Variants in FHIP1B observed in about 807,000 individuals in gnomAD.
FHIP1B encodes FHF complex subunit HOOK interacting protein 1B.
A neutral mutation model predicts 82.2 loss-of-function variants in FHIP1B; 28 were observed. The observed-to-expected ratio is 0.34, with a 90% CI of 0.25 to 0.47. The LOEUF is 0.47. Ranked by LOEUF, FHIP1B falls within the 20% of genes least tolerant of loss-of-function variation. The pLI is 1.00. For synonymous variants in FHIP1B, 585 were observed against 516.1 expected (o/e 1.13, Z -1.81); for missense variants, 1,110 against 1,262.6 (o/e 0.88, Z 1.83).
intron 1 of FHIP1B, among the ~76,000 whole-genome samples, chr11:6,234,219 ACTCT>A (rs1190229461): frequency 2.7e-5 from 4 of 147,288 alleles, no homozygotes; most frequent in East Asian, 4.0e-4. Context: ...TGCGCCTTTT[ACTCT>A]CTCTCTCCTC....
intron 11 of FHIP1B, among the ~76,000 whole-genome samples, chr11:6,213,577 C>T (rs763206216): frequency 5.3e-5 from 8 of 152,174 alleles, no homozygotes; most frequent in Non-Finnish European, 1.2e-4. Context: ...TCCCTGAATT[C>T]CCTGTACTAA....
rs1847070925 is a variant in FHIP1B at position 6,211,495 on chromosome 11, A to C, written c.*11T>G. The C allele has an allele frequency of 1.3e-6, 2 of 1,568,458 alleles. No individual in the cohort carries two copies. The highest frequency in any genetic ancestry group is 2.4e-5 in the South Asian group (2 of 82,676). On this transcript the variant is annotated 3_prime_UTR_variant, in exon 12 of 12. Coordinates refer to ENST00000449352, the MANE Select transcript of FHIP1B (RefSeq NM_001098794.2). The stretch of plus-strand genomic sequence containing the variant: ...GGGCCACCCATGGCCCTGATTGTCC[A>C]TGGAAGAAAGTTAAGGATTGAGGGG...
At position 6,224,664 on chromosome 11, in the gene FHIP1B, G is replaced by A; in HGVS notation, c.-148C>T. 2 of 777,958 alleles carry A rather than the reference G, an allele frequency of 2.6e-6. No individual in the cohort carries two copies. The highest frequency in any genetic ancestry group is 1.9e-5 in the South Asian group (1 of 53,736). 48.2% of individuals were successfully genotyped at this position (777,958 alleles called of 1,614,324 possible). A position where few individuals can be genotyped will look rare whatever the true frequency, so the allele number is the denominator to read the frequency against. ...TGGAGCCAGAGGTTATACCAGGCTG[G>A]AATGGCAAGCCCAGAGGTCACTGGC... On this transcript the variant is annotated 5_prime_UTR_variant, in exon 2 of 12. Transcript: ENST00000449352.
chr11:6,230,705 T>G (rs1372470614), intron 1 of FHIP1B, among the ~76,000 whole-genome samples: 1 of 152,228 alleles, frequency 6.6e-6, no homozygotes, highest in Non-Finnish European at 1.5e-5. Flanking sequence ...AATCCTCATG[T>G]CACACACAGT....
At chr11:6,230,166 T>C (rs1847662428) in intron 1 of FHIP1B, among the ~76,000 whole-genome samples, 1 of 152,066 alleles carries the variant, frequency 6.6e-6, no homozygotes, top group African/African-American at 2.4e-5. Context: ...GAACTGCAGA[T>C]ACAGGGCAGG....
Position 6,211,534 on chromosome 11 carries a change from A to G in FHIP1B, c.2891T>C (p.Ile964Thr). 1.2e-6 allele frequency: 2 copies of G among 1,608,314 alleles called. No individual in the cohort carries two copies. The highest frequency in any genetic ancestry group is 2.2e-5 in the South Asian group (2 of 90,208). Residue 964 changes from isoleucine (I) to threonine (T), a missense_variant, in exon 12 of 12, where the codon ATC becomes ACC. Physicochemically the swap from Ile to Thr is moderately conservative, Grantham distance 89. Transcript: ENST00000449352. The part of the protein sequence containing the change: ...ETSEEGSGPL[I>T]SGCGPLNP ...AGGATTGAGGGGCCCACAGCCTGAG[A>G]TGAGAGGGCCAGATCCTTCCTCTGA...
chr11:6,213,342 A>G (rs1217880471), intron 11 of FHIP1B, among the ~76,000 whole-genome samples: 1 of 152,130 alleles, frequency 6.6e-6, no homozygotes, highest in Non-Finnish European at 1.5e-5. Context: ...ACTCCTCTAC[A>G]CTTCACAACT....
At chr11:6,224,914 C>T (rs1847521516) in intron 1 of FHIP1B, among the ~76,000 whole-genome samples, 1 of 152,194 alleles carries the variant, frequency 6.6e-6, no homozygotes, top group Non-Finnish European at 1.5e-5. Flanking sequence ...GAAAATGATA[C>T]CAAAATTAAC....
At position 6,211,375 on chromosome 11, in the gene FHIP1B, A is replaced by T; in HGVS notation, c.*131T>A. 1 of 1,235,904 alleles carries T rather than the reference A, an allele frequency of 8.1e-7. No individual in the cohort carries two copies. The highest frequency in any genetic ancestry group is 1.1e-6 in the Non-Finnish European group (1 of 901,644). 76.6% of individuals were successfully genotyped at this position (1,235,904 alleles called of 1,614,324 possible). A position where few individuals can be genotyped will look rare whatever the true frequency, so the allele number is the denominator to read the frequency against. ...ATTTCCCTTTTATACATATTGCAAC[A>T]AGTTCTCCATAAAACATTCATCTGA... is the stretch of plus-strand genomic sequence containing the variant. On this transcript the variant is annotated 3_prime_UTR_variant, in exon 12 of 12. Transcript: ENST00000449352.
rs760417398 is a variant in FHIP1B at position 6,217,835 on chromosome 11, T to C, written c.1751A>G (p.Glu584Gly). Residue 584 changes from glutamate to glycine, a missense_variant, in exon 9 of 12, where the codon GAG becomes GGG. By Grantham distance (98) the Glu-to-Gly change is moderately conservative. Coordinates refer to ENST00000449352, the MANE Select transcript of FHIP1B (RefSeq NM_001098794.2). ...APYDGERPSP[E>G]PSPFGSRTKK... ...AGTCCGGGAGCCAAAAGGACTGGGCTCAGGAGAGGGCCGCTCGCCATCATA... is the reference window on the plus strand; with the variant it reads ...AGTCCGGGAGCCAAAAGGACTGGGCCCAGGAGAGGGCCGCTCGCCATCATA... 1 of 1,613,586 alleles carries C rather than the reference T, an allele frequency of 6.2e-7. No individual in the cohort carries two copies.
At chr11:6,221,594 C>A (rs1015645849) in intron 6 of FHIP1B, among the ~76,000 whole-genome samples, 4 of 152,186 alleles carry the variant, frequency 2.6e-5, no homozygotes, top group African/African-American at 9.6e-5. Context: ...CTCACTACAC[C>A]TCTAGTCTTT....
rs558779231 is a variant in FHIP1B at position 6,215,775 on chromosome 11, C to A, written c.2216-864G>T. Among the ~76,000 whole-genome samples the A allele has an allele frequency of 3.3e-5, 5 of 152,286 alleles. No homozygotes were observed. In the South Asian group the frequency reaches 1.0e-3, roughly 32 times the overall value. On this transcript the variant is annotated intron_variant, in intron 9 of 11. Coordinates refer to ENST00000449352, the MANE Select transcript of FHIP1B (RefSeq NM_001098794.2). ...GCTAAGCCAGATCACCAGCAGTAGG[C>A]CTCTATAACCATCACAGTCCTTCTG...
At chr11:6,230,113 A>G (rs992107235) in intron 1 of FHIP1B, among the ~76,000 whole-genome samples, 2 of 152,136 alleles carry the variant, frequency 1.3e-5, no homozygotes, top group Non-Finnish European at 2.9e-5. Flanking sequence ...AGCCCAAAAT[A>G]CAGCCTTACA....
At chr11:6,229,752 A>G (rs903804407) in intron 1 of FHIP1B, among the ~76,000 whole-genome samples, 1 of 151,790 alleles carries the variant, frequency 6.6e-6, no homozygotes, top group African/African-American at 2.4e-5. Flanking sequence ...CAGTTCTACA[A>G]TCCCATTTCA....
chr11:6,220,327 G>A (rs139905712), intron 6 of FHIP1B, among the ~76,000 whole-genome samples: 15 of 152,182 alleles, frequency 9.9e-5, no homozygotes, highest in Non-Finnish European at 2.2e-4. Context: ...TAAGGAAATG[G>A]ATCCTGTCCT....
chr11:6,231,257 A>T (rs1847689816), intron 1 of FHIP1B, among the ~76,000 whole-genome samples: 2 of 152,140 alleles, frequency 1.3e-5, no homozygotes, highest in South Asian at 4.1e-4. Flanking sequence ...AGCAGAAAGT[A>T]TGAAAGATGA....
chr11:6,218,184 A>T (rs771749979), intron 8 of FHIP1B, 34 bp from the exon 9 acceptor site: 2 of 1,583,154 alleles, frequency 1.3e-6, no homozygotes, highest in Non-Finnish European at 1.7e-6. Context: ...GAAATCAAGG[A>T]GACAGAGGTT....
At chr11:6,224,810 A>G in intron 1 of FHIP1B, 103 bp from the exon 2 acceptor site, 1 of 322,822 alleles carries the variant, frequency 3.1e-6, no homozygotes, top group Non-Finnish European at 5.7e-6. Context: ...ATATACATAC[A>G]CACATACACA....
At chr11:6,225,710 TGAA>T (rs1448890950) in intron 1 of FHIP1B, among the ~76,000 whole-genome samples, 3 of 152,226 alleles carry the variant, frequency 2.0e-5, no homozygotes, top group African/African-American at 4.8e-5. Flanking sequence ...CTGGGACTAC[TGAA>T]GAAGAAATTT....
Sources: gnomAD v4.1 joint callset for allele counts (sites outside exome capture counted in the v4.1 genomes callset) on GRCh38, gnomAD v4.1.1 for gene constraint, MANE v1.5 for transcripts, NCBI Gene and HGNC (gene_info 2026-07-23, HGNC 2026-07-21) for gene names.